OSBPL6: variants seen among roughly 807,000 people sequenced by gnomAD.
The protein encoded by OSBPL6 is oxysterol binding protein like 6.
Under a neutral mutation model 125.8 loss-of-function variants are expected in OSBPL6, and 49 were observed. The observed-to-expected ratio is 0.39, with a 90% CI of 0.31 to 0.49. The LOEUF is 0.49. Ranked by LOEUF, OSBPL6 falls within the 20% of genes least tolerant of loss-of-function variation. The pLI, the probability that OSBPL6 is intolerant of heterozygous loss-of-function variation, is 0.88. For synonymous variants in OSBPL6, 394 were observed against 391.8 expected, an observed-to-expected ratio of 1.01 and a Z score of -0.07; for missense variants, 986 against 1,135.4, an observed-to-expected ratio of 0.87 and a Z score of 1.89.
Position 178,398,110 on chromosome 2 carries a change from C to T in OSBPL6, c.*2551C>T, listed in dbSNP as rs1403562497. 1 of 152,070 alleles carries T rather than the reference C, an allele frequency of 6.6e-6. No individual in the cohort carries two copies. The highest frequency in any genetic ancestry group is 1.9e-4 in the East Asian group (1 of 5,202). The allele number at this position is 152,070 out of a possible 1,614,324, so 9.4% of individuals were successfully genotyped here. ...CATCCCCTTTTTTACTTTTTATTGA[C>T]ATGGTGGTTATAAAATGAAGAGACT... On this transcript the variant is annotated 3_prime_UTR_variant, in exon 25 of 25. Transcript: ENST00000190611.
rs1282763255 is a variant in OSBPL6, at chr2:178,400,512, C to A, written c.*4953C>A. 1 of 152,102 alleles carries A rather than the reference C, an allele frequency of 6.6e-6. No homozygotes were observed. Among genetic ancestry groups the A allele is most frequent in the Non-Finnish European group, 1.5e-5 (1 of 68,058 alleles). The allele number at this position is 152,102 out of a possible 1,614,324, so 9.4% of individuals were successfully genotyped here. ...ATGTTGGCCAGGCTGGTCTCGAACT[C>A]CTGACCTCAAGTGTTTCACCCGCCT... On this transcript the variant is annotated 3_prime_UTR_variant, in exon 25 of 25. Coordinates refer to ENST00000190611, the MANE Select transcript of OSBPL6 (RefSeq NM_032523.4).
At chr2:178,285,772 A>G (rs1188504166) in intron 2 of OSBPL6, among the ~76,000 whole-genome samples, 1 of 152,206 alleles carries the variant, frequency 6.6e-6, no homozygotes, top group African/African-American at 2.4e-5. Context: ...AAGGTCAGCC[A>G]TCCCCAGGGT....
At chr2:178,195,452 G>A (rs1021084517) in intron 1 of OSBPL6, among the ~76,000 whole-genome samples, 7 of 152,256 alleles carry the variant, frequency 4.6e-5, no homozygotes, top group African/African-American at 1.4e-4. Flanking sequence ...GGAGACCTGA[G>A]GAGAAAGCCT....
intron 12 of OSBPL6, among the ~76,000 whole-genome samples, chr2:178,350,857 T>C (rs942349597): frequency 6.6e-6 from 1 of 152,196 alleles, no homozygotes; most frequent in Non-Finnish European, 1.5e-5. Flanking sequence ...GATGGTACTT[T>C]GGAAGGCAGC....
chr2:178,339,195 A>G (rs1335806006), intron 10 of OSBPL6, 101 bp downstream of exon 10: 2 of 626,164 alleles, frequency 3.2e-6, no homozygotes, highest in Non-Finnish European at 5.2e-6. Context: ...AAAGATAAAT[A>G]ACTGCAATAC....
At chr2:178,238,334 C>T (rs2091146878) in intron 1 of OSBPL6, among the ~76,000 whole-genome samples, 1 of 152,178 alleles carries the variant, frequency 6.6e-6, no homozygotes, top group Non-Finnish European at 1.5e-5. Context: ...ACTGTCAACA[C>T]ATTAATCACT....
chr2:178,233,259 A>AGAAAT (rs1484026574), intron 1 of OSBPL6, among the ~76,000 whole-genome samples: 2 of 152,230 alleles, frequency 1.3e-5, no homozygotes, highest in Admixed American at 6.5e-5. Context: ...AATTTGCTTC[A>AGAAAT]GAAATGAAAT....
intron 8 of OSBPL6, among the ~76,000 whole-genome samples, chr2:178,333,756 C>T (rs1371468840): frequency 6.6e-6 from 1 of 152,218 alleles, no homozygotes; most frequent in East Asian, 1.9e-4. Flanking sequence ...ATAATATATA[C>T]ATGAGAGGCT....
rs184258041 is a variant in OSBPL6 at position 178,239,960 on chromosome 2, T to C, written c.-350-44967T>C. Among the ~76,000 whole-genome samples, 132 of 152,314 alleles carry C rather than the reference T, an allele frequency of 8.7e-4. No homozygotes were observed. The East Asian group carries it at 0.021, about 24-fold the overall frequency. On this transcript the variant is annotated intron_variant, in intron 1 of 24. Coordinates refer to ENST00000190611, the MANE Select transcript of OSBPL6 (RefSeq NM_032523.4). ...ATTTTTTAAAAAAATCAAATTTTAA[T>C]ACTTTGTTACACACAAATTTAAGTA...
chr2:178,347,180 C>T (rs558829022), intron 11 of OSBPL6, among the ~76,000 whole-genome samples: 1 of 152,212 alleles, frequency 6.6e-6, no homozygotes, highest in East Asian at 1.9e-4. Context: ...TGCATAATGG[C>T]CTCCTATACA....
chr2:178,378,807 A>G (rs1242356934), intron 15 of OSBPL6, among the ~76,000 whole-genome samples: 1 of 152,212 alleles, frequency 6.6e-6, no homozygotes, highest in Non-Finnish European at 1.5e-5. Flanking sequence ...CTATTATTGT[A>G]GAATTCTTTT....
chr2:178,371,508 T>C (rs887294579), intron 13 of OSBPL6, among the ~76,000 whole-genome samples: 6 of 152,206 alleles, frequency 3.9e-5, no homozygotes, highest in African/African-American at 1.4e-4. Context: ...TTCTTTGTTA[T>C]GGTTGTCAGT....
chr2:178,248,899 A>G (rs1209890960), intron 1 of OSBPL6, among the ~76,000 whole-genome samples: 1 of 151,896 alleles, frequency 6.6e-6, no homozygotes, highest in East Asian at 1.9e-4. Flanking sequence ...TCTCCTGTTC[A>G]TGTTTTTCTA....
At chr2:178,317,706 A>G (rs1687882565) in intron 3 of OSBPL6, among the ~76,000 whole-genome samples, 1 of 151,648 alleles carries the variant, frequency 6.6e-6, no homozygotes, top group Admixed American at 6.6e-5. Context: ...ATGAACCTAC[A>G]TAAATATTAA....
chr2:178,339,318 A>C (rs1009511914), intron 10 of OSBPL6, among the ~76,000 whole-genome samples: 4 of 152,220 alleles, frequency 2.6e-5, no homozygotes, highest in Non-Finnish European at 5.9e-5. Context: ...AACCAAAAGA[A>C]ATACATTCAG....
chr2:178,347,534 A>G lies in OSBPL6; in HGVS notation c.988-1690A>G, dbSNP rs1690836589. ...TTCTAGATTGAGCATCACCACAGTT[A>G]GGGTCTGAACTTCCTTTCTCTGTCT... On this transcript the variant is annotated intron_variant, in intron 11 of 24. Coordinates refer to ENST00000190611, the MANE Select transcript of OSBPL6 (RefSeq NM_032523.4). Among the ~76,000 whole-genome samples, 3 of 152,304 alleles carry G rather than the reference A, an allele frequency of 2.0e-5. No homozygotes were observed. In the South Asian group the frequency reaches 6.2e-4, roughly 32 times the overall value.
chr2:178,257,720 G>T (rs1421341752), intron 1 of OSBPL6, among the ~76,000 whole-genome samples: 1 of 152,030 alleles, frequency 6.6e-6, no homozygotes, highest in African/African-American at 2.4e-5. Context: ...CAGAAAGGTT[G>T]TGACTTTCTC....
Position 178,400,662 on chromosome 2 carries a change from C to T in OSBPL6, c.*5103C>T, listed in dbSNP as rs1473434590. On this transcript the variant is annotated 3_prime_UTR_variant, in exon 25 of 25. Coordinates refer to ENST00000190611, the MANE Select transcript of OSBPL6 (RefSeq NM_032523.4). Reference sequence around the variant, plus strand: ...TCGCATATTTGAACAGTACTTGATACAGTTTGATGTATGTATATACCCTTG... The same window carrying T: ...TCGCATATTTGAACAGTACTTGATATAGTTTGATGTATGTATATACCCTTG... The T allele has an allele frequency of 6.6e-6, 1 of 152,188 alleles. No homozygotes were observed. The highest frequency in any genetic ancestry group is 1.5e-5 in the Non-Finnish European group (1 of 68,032). The allele number at this position is 152,188 out of a possible 1,614,324, so 9.4% of individuals were successfully genotyped here.
chr2:178,316,106 T>C (rs1339971727), intron 3 of OSBPL6, among the ~76,000 whole-genome samples: 1 of 152,176 alleles, frequency 6.6e-6, no homozygotes, highest in Non-Finnish European at 1.5e-5. Context: ...GTGCCAGACT[T>C]CCTGACCTCA....
Sources: allele counts gnomAD v4.1 joint callset (sites outside exome capture counted in the v4.1 genomes callset), GRCh38; gene constraint gnomAD v4.1.1; transcripts MANE v1.5; gene names NCBI Gene and HGNC (gene_info 2026-07-23, HGNC 2026-07-21).